The following ZNF407 variants were observed in gnomAD, a reference collection of about 807,000 sequenced individuals.
ZNF407 encodes zinc finger protein 407.
ZNF407 carries 17 observed loss-of-function variants against 131.2 expected under a neutral mutation model. The ratio of observed to expected loss-of-function variants is 0.13; its 90% confidence interval spans 0.09 to 0.19. The LOEUF (loss-of-function observed/expected upper bound fraction) is 0.19, where lower values mean the gene tolerates loss of function less well. ZNF407 is among the 10% of genes least tolerant of loss of function. ZNF407 has a pLI of 1.00. For missense variants in ZNF407, 2,681 were observed against 2,830.6 expected (o/e 0.95, Z 1.20); for synonymous variants, 1,156 against 1,062.0 (o/e 1.09, Z -1.72).
At chr18:74,652,580 A>C in intron 3 of ZNF407, among the ~76,000 whole-genome samples, 1 of 152,028 alleles carries the variant, frequency 6.6e-6, no homozygotes, top group East Asian at 1.9e-4. Flanking sequence ...AGCAGAGGGC[A>C]ATATTATGTT....
chr18:74,617,067 A>C (rs1983335696), intron 1 of ZNF407, among the ~76,000 whole-genome samples: 1 of 45,820 alleles, frequency 2.2e-5, no homozygotes, highest in East Asian at 5.5e-4. Flanking sequence ...ACACACATCC[A>C]TATCCACACA....
chr18:74,727,880 A>T (rs890155670), intron 3 of ZNF407, among the ~76,000 whole-genome samples: 1 of 152,166 alleles, frequency 6.6e-6, no homozygotes, highest in East Asian at 1.9e-4. Flanking sequence ...TTTTAAGAAG[A>T]TACTTTAAAT....
At chr18:74,921,675 G>A (rs368169196) in intron 8 of ZNF407, among the ~76,000 whole-genome samples, 9 of 152,194 alleles carry the variant, frequency 5.9e-5, no homozygotes, top group African/African-American at 2.2e-4. Context: ...GATAATGGCT[G>A]TGAAGCCAGG....
At chr18:74,855,407 A>G (rs1272271806) in intron 4 of ZNF407, among the ~76,000 whole-genome samples, 3 of 152,246 alleles carry the variant, frequency 2.0e-5, no homozygotes, top group Non-Finnish European at 4.4e-5. Flanking sequence ...TGGAAGATAC[A>G]TGTAGCATAA....
At chr18:74,715,143 C>T (rs1048725423) in intron 3 of ZNF407, among the ~76,000 whole-genome samples, 2 of 152,146 alleles carry the variant, frequency 1.3e-5, no homozygotes, top group South Asian at 4.1e-4. Flanking sequence ...TTACAGTATC[C>T]CCTTTTCCTG....
chr18:74,756,120 C>T (rs1326745344), intron 3 of ZNF407, among the ~76,000 whole-genome samples: 1 of 151,678 alleles, frequency 6.6e-6, no homozygotes. Context: ...TCTCGAACTC[C>T]TGACCTCATG....
At chr18:74,781,648 TA>T in intron 4 of ZNF407, 146 bp downstream of exon 4, 1 of 586,774 alleles carries the variant, frequency 1.7e-6, no homozygotes, top group Non-Finnish European at 2.8e-6. Flanking sequence ...TATCATATTT[TA>T]TGCCATCGTT....
intron 3 of ZNF407, among the ~76,000 whole-genome samples, chr18:74,706,890 T>TGA (rs1967636752): frequency 2.6e-5 from 4 of 151,976 alleles, no homozygotes; most frequent in African/African-American, 9.7e-5. Flanking sequence ...ATGCACTTTA[T>TGA]GGCTTTTCCC....
rs1163103432 is a variant in ZNF407 at position 75,063,039 on chromosome 18, AG to A, written c.5429-106del. 5.0e-6 allele frequency: 5 copies of A among 998,902 alleles called. No homozygotes were observed. The highest frequency in any genetic ancestry group is 4.9e-5 in the African/African-American group (3 of 61,628). The allele number at this position is 998,902 out of a possible 1,614,324, so 61.9% of individuals were successfully genotyped here. A position where few individuals can be genotyped will look rare whatever the true frequency, so the allele number is the denominator to read the frequency against. Reference sequence around the variant, plus strand: ...TAGAGAGCTCTTCAGGGTTTGGAATAGGGGGTCGTGGTGACTCTGCTGAGGC... The same window carrying A: ...TAGAGAGCTCTTCAGGGTTTGGAATAGGGGTCGTGGTGACTCTGCTGAGGC... On this transcript the variant is annotated intron_variant, in intron 8 of 8. Transcript: ENST00000299687. The surrounding 1 kb of genome is among the most constrained non-coding windows in gnomAD (Gnocchi z 6.6).
Position 74,952,105 on chromosome 18 carries a change from G to A in ZNF407, c.5428+31413G>A, listed in dbSNP as rs559642349. ...ACCCCTGCCCCTTATTACTAATGAG[G>A]CATCAACAGTTATTGATCAGGAGCT... is the stretch of plus-strand genomic sequence containing the variant. On this transcript the variant is annotated intron_variant, in intron 8 of 8. Transcript: ENST00000299687. 2.6e-5 allele frequency among the ~76,000 whole-genome samples: 4 copies of A among 152,214 alleles called. No homozygotes were observed. The South Asian group carries it at 6.2e-4, about 24-fold the overall frequency.
intron 4 of ZNF407, among the ~76,000 whole-genome samples, chr18:74,821,153 G>A (rs949526162): frequency 6.6e-6 from 1 of 151,678 alleles, no homozygotes; most frequent in Non-Finnish European, 1.5e-5. Context: ...AGTAATTGCT[G>A]TGTTTGTCAT....
chr18:75,060,507 C>CTTTTTTTTTT (rs564194650), intron 8 of ZNF407, among the ~76,000 whole-genome samples: 152 of 124,344 alleles, frequency 1.2e-3, no homozygotes, highest in East Asian at 1.9e-3. Context: ...TTCTTTTTTT[C>CTTTTTTTTTT]TTTTTTTTTT....
At position 74,909,812 on chromosome 18, in the gene ZNF407, TC is replaced by T. The variant is rs201504929; in HGVS notation, c.5250-10701del. On this transcript the variant is annotated intron_variant, in intron 7 of 8. Transcript: ENST00000299687. ...TTTGACTTGCAGTATTTTATAGTAT[TC>T]GTGTAGTCAAGTCTATCTATGTTTG... Among the ~76,000 whole-genome samples the T allele has an allele frequency of 7.4e-3, 1,129 of 152,320 alleles. 13 individuals carry two copies. Among genetic ancestry groups the T allele is most frequent in the African/African-American group, 0.023 (961 of 41,576 alleles).
At chr18:74,846,061 GA>G (rs1392917836) in intron 4 of ZNF407, among the ~76,000 whole-genome samples, 1 of 152,142 alleles carries the variant, frequency 6.6e-6, no homozygotes, top group Non-Finnish European at 1.5e-5. Flanking sequence ...GGGTTTTTAG[GA>G]AAGTATCTAA....
intron 8 of ZNF407, among the ~76,000 whole-genome samples, chr18:75,006,177 A>G (rs918228107): frequency 5.3e-5 from 8 of 152,142 alleles, no homozygotes; most frequent in Admixed American, 6.5e-5. Context: ...TGCCGCTCCT[A>G]TTTCTTGAGA....
intron 1 of ZNF407, among the ~76,000 whole-genome samples, chr18:74,615,334 A>G (rs1453524893): frequency 6.6e-6 from 1 of 152,190 alleles, no homozygotes; most frequent in Non-Finnish European, 1.5e-5. Flanking sequence ...GTGAAACTCC[A>G]TCTCTACTAA....
At chr18:75,007,317 C>A (rs1972922638) in intron 8 of ZNF407, among the ~76,000 whole-genome samples, 1 of 151,854 alleles carries the variant, frequency 6.6e-6, no homozygotes, top group South Asian at 2.1e-4. Flanking sequence ...TCTGCACATT[C>A]TTTTTCTGTT....
chr18:74,768,915 G>T (rs1969302547), intron 3 of ZNF407, among the ~76,000 whole-genome samples: 1 of 152,034 alleles, frequency 6.6e-6, no homozygotes, highest in African/African-American at 2.4e-5. Flanking sequence ...ATAGAGTCCT[G>T]TCAGCCAGTG....
intron 1 of ZNF407, among the ~76,000 whole-genome samples, chr18:74,607,691 C>T (rs1982869965): frequency 6.6e-6 from 1 of 151,940 alleles, no homozygotes; most frequent in African/African-American, 2.4e-5. Flanking sequence ...GGTTTTGTGA[C>T]TCTGTACTTT....
Sources: allele counts gnomAD v4.1 joint callset (sites outside exome capture counted in the v4.1 genomes callset), GRCh38; gene constraint gnomAD v4.1.1; non-coding constraint Gnocchi (gnomAD v3.1); transcripts MANE v1.5; gene names NCBI Gene and HGNC (gene_info 2026-07-23, HGNC 2026-07-21).